Variants in RRP7A observed in about 807,000 individuals in gnomAD.
RRP7A encodes ribosomal RNA processing 7 homolog A.
RRP7A carries 27 observed loss-of-function variants against 38.4 expected under a neutral mutation model. That is an observed-to-expected ratio of 0.70 (90% CI 0.52 to 0.97). The LOEUF (loss-of-function observed/expected upper bound fraction) is 0.97, where lower values mean the gene tolerates loss of function less well. RRP7A is among the 50% of genes least tolerant of loss of function. The pLI, the probability that RRP7A is intolerant of heterozygous loss-of-function variation, is 0.00. For missense variants in RRP7A, 327 were observed against 375.4 expected (o/e 0.87, Z 1.07); for synonymous variants, 124 against 150.3 (o/e 0.83, Z 1.28).
At chr22:42,517,534 T>C (rs1306417607) in intron 2 of RRP7A, among the ~76,000 whole-genome samples, 1 of 152,104 alleles carries the variant, frequency 6.6e-6, no homozygotes, top group Non-Finnish European at 1.5e-5. Flanking sequence ...TTTCTCTTTT[T>C]TTTGAGTCAG....
Position 42,512,903 on chromosome 22 carries a change from TCA to T in RRP7A, c.*5_*6del, listed in dbSNP as rs758169491. The T allele has an allele frequency of 3.1e-6, 5 of 1,612,658 alleles. No individual in the cohort carries two copies. In the Admixed American group the frequency reaches 6.7e-5, roughly 22 times the overall value. ...CACCTCCAGCCATTCACTGCGGCTC[TCA>T]CAGCTCAGTACGGTCGGAATTTGCG... On this transcript the variant is annotated 3_prime_UTR_variant, in exon 7 of 7. Transcript: ENST00000323013.
rs1932425068 is a variant in RRP7A, at chr22:42,510,558, G to C, written c.*2352C>G. 7.1e-6 allele frequency: 4 copies of C among 565,744 alleles called. No individual in the cohort carries two copies. Among genetic ancestry groups the C allele is most frequent in the Admixed American group, 2.9e-5 (1 of 34,244 alleles). The allele number at this position is 565,744 out of a possible 1,614,324, so 35.0% of individuals were successfully genotyped here. ...GTTTCTCCTCAGAGGCCTGAACCCA[G>C]GGCAGGATGGGGGCACCGCTGGGAG... is the stretch of plus-strand genomic sequence containing the variant. On this transcript the variant is annotated 3_prime_UTR_variant, in exon 7 of 7. Coordinates refer to ENST00000323013, the MANE Select transcript of RRP7A (RefSeq NM_015703.5).
rs1932456451 is a variant in RRP7A at position 42,511,367 on chromosome 22, G to A, written c.*1543C>T. Reference sequence around the variant, plus strand: ...AATTTTTATATTTTTAAGAGATGGGGGTTCACCATGTTGGCCAGGCTGGTC... The same window carrying A: ...AATTTTTATATTTTTAAGAGATGGGAGTTCACCATGTTGGCCAGGCTGGTC... On this transcript the variant is annotated 3_prime_UTR_variant, in exon 7 of 7. Coordinates refer to ENST00000323013, the MANE Select transcript of RRP7A (RefSeq NM_015703.5). 1.3e-5 allele frequency: 2 copies of A among 152,350 alleles called. No individual in the cohort carries two copies. The highest frequency in any genetic ancestry group is 4.8e-5 in the African/African-American group (2 of 41,532). 9.4% of individuals were successfully genotyped at this position (152,350 alleles called of 1,614,324 possible). A position where few individuals can be genotyped will look rare whatever the true frequency, so the allele number is the denominator to read the frequency against.
rs552468608 is a variant in RRP7A at position 42,508,863 on chromosome 22, A to C, written c.*4047T>G. On this transcript the variant is annotated 3_prime_UTR_variant, in exon 7 of 7. Coordinates refer to ENST00000323013, the MANE Select transcript of RRP7A (RefSeq NM_015703.5). ...CAGGAGTCTCTGGCCACCAGGGGCT[A>C]AAGAGCCTTCGATGAGGCAGTGATG... 2.6e-5 allele frequency among the ~76,000 whole-genome samples: 4 copies of C among 152,166 alleles called. No individual in the cohort carries two copies. The highest frequency in any genetic ancestry group is 9.7e-5 in the African/African-American group (4 of 41,424).
At chr22:42,516,530 C>T (rs1299327002) in intron 2 of RRP7A, 3 of 361,062 alleles carry the variant, frequency 8.3e-6, no homozygotes, top group East Asian at 1.5e-4. Context: ...CCAGGCTGGT[C>T]TTGAACTCCT....
chr22:42,514,672 G>A lies in RRP7A; in HGVS notation c.558+10C>T, dbSNP rs1920925631. 1 of 1,601,164 alleles carries A rather than the reference G, an allele frequency of 6.2e-7. No homozygotes were observed. The highest frequency in any genetic ancestry group is 1.3e-5 in the African/African-American group (1 of 74,518). ...GATGCGGGGCTCGGCCGACCCCGCG[G>A]GGCCTCTACCTCAGCGATCTTCTGG... On this transcript the variant is annotated intron_variant, in intron 5 of 6. Transcript: ENST00000323013.
rs1198483729 is a variant in RRP7A at position 42,511,057 on chromosome 22, G to C, written c.*1853C>G. ...TTGAGAGACAGGGTCTCATTCTGTT[G>C]CTCAGGCTCAGTCATAGCTCACTGC... On this transcript the variant is annotated 3_prime_UTR_variant, in exon 7 of 7. Transcript: ENST00000323013. 2.6e-5 allele frequency: 4 copies of C among 156,208 alleles called. No homozygotes were observed. The highest frequency in any genetic ancestry group is 7.2e-5 in the African/African-American group (3 of 41,544). The allele number at this position is 156,208 out of a possible 1,614,324, so 9.7% of individuals were successfully genotyped here. A position where few individuals can be genotyped will look rare whatever the true frequency, so the allele number is the denominator to read the frequency against.
intron 6 of RRP7A, among the ~76,000 whole-genome samples, chr22:42,513,696 G>GAC (rs68114688): frequency 2.2e-4 from 31 of 140,476 alleles, no homozygotes; most frequent in Non-Finnish European, 3.1e-4. Context: ...CCACCTGACA[G>GAC]ACACACACAC....
In RRP7A at chr22:42,508,651, G is replaced by C. The variant is rs1414384015; in HGVS notation, c.*4259C>G. On this transcript the variant is annotated 3_prime_UTR_variant, in exon 7 of 7. Coordinates refer to ENST00000323013, the MANE Select transcript of RRP7A (RefSeq NM_015703.5). ...CTGGCAGGGGACAGCGTGAGGTGCA[G>C]CCTATGGACTGGGAAAGGGGTGTGG... Among the ~76,000 whole-genome samples, 1 of 152,214 alleles carries C rather than the reference G, an allele frequency of 6.6e-6. No homozygotes were observed. Among genetic ancestry groups the C allele is most frequent in the African/African-American group, 2.4e-5 (1 of 41,446 alleles).
chr22:42,515,499 A>G (rs1006557489), intron 3 of RRP7A, among the ~76,000 whole-genome samples: 1 of 152,248 alleles, frequency 6.6e-6, no homozygotes, highest in Non-Finnish European at 1.5e-5. Flanking sequence ...CTCCCCAGGA[A>G]GAGGGGATAC....
At chr22:42,514,874 C>G (rs998383610) in intron 4 of RRP7A, 95 bp from the exon 5 acceptor site, 11 of 1,005,566 alleles carry the variant, frequency 1.1e-5, no homozygotes, top group African/African-American at 1.6e-5. Context: ...CCTTTTCCCA[C>G]AGGGCCCGGG....
chr22:42,515,911 C>T, intron 3 of RRP7A, 100 bp downstream of exon 3: 1 of 1,414,048 alleles, frequency 7.1e-7, no homozygotes, highest in Non-Finnish European at 9.6e-7. Context: ...GGGCTCAGGA[C>T]CAGAGAATGC....
Position 42,512,476 on chromosome 22 carries a change from C to G in RRP7A, c.*434G>C. 2 of 572,672 alleles carry G rather than the reference C, an allele frequency of 3.5e-6. No homozygotes were observed. The highest frequency in any genetic ancestry group is 4.3e-5 in the South Asian group (2 of 47,048). 35.5% of individuals were successfully genotyped at this position (572,672 alleles called of 1,614,324 possible). A position where few individuals can be genotyped will look rare whatever the true frequency, so the allele number is the denominator to read the frequency against. On this transcript the variant is annotated 3_prime_UTR_variant, in exon 7 of 7. Coordinates refer to ENST00000323013, the MANE Select transcript of RRP7A (RefSeq NM_015703.5). ...CTCCTGGCTAATAATCTCCAGCCAGCTGGAGGAAGGAAGGGCGGGCTGGGC... is the reference window on the plus strand; with the variant it reads ...CTCCTGGCTAATAATCTCCAGCCAGGTGGAGGAAGGAAGGGCGGGCTGGGC...
At position 42,508,548 on chromosome 22, in the gene RRP7A, C is replaced by G. The variant is rs1353426751; in HGVS notation, c.*4362G>C. The stretch of plus-strand genomic sequence containing the variant: ...CAGGCAGGGCCGCGGAGGAGGCTGG[C>G]TGGGGCCATCACGGAGTGCCCATCC... On this transcript the variant is annotated 3_prime_UTR_variant, in exon 7 of 7. Transcript: ENST00000323013. Among the ~76,000 whole-genome samples the G allele has an allele frequency of 6.6e-6, 1 of 152,136 alleles. No homozygotes were observed. The highest frequency in any genetic ancestry group is 1.5e-5 in the Non-Finnish European group (1 of 68,024).
chr22:42,510,136 T>G lies in RRP7A; in HGVS notation c.*2774A>C, dbSNP rs533437866. The G allele has an allele frequency of 6.6e-6, 1 of 152,366 alleles. No individual in the cohort carries two copies. The highest frequency in any genetic ancestry group is 2.1e-4 in the South Asian group (1 of 4,826). 9.4% of individuals were successfully genotyped at this position (152,366 alleles called of 1,614,324 possible). On this transcript the variant is annotated 3_prime_UTR_variant, in exon 7 of 7. Coordinates refer to ENST00000323013, the MANE Select transcript of RRP7A (RefSeq NM_015703.5). ...CCCACCACCAAGCCCGGCTAATTTT[T>G]GTATTTTTAGTACAGACAGGGTTTC... is the stretch of plus-strand genomic sequence containing the variant.
At chr22:42,514,812 C>T in intron 4 of RRP7A, 33 bp from the exon 5 acceptor site, 4 of 1,539,480 alleles carry the variant, frequency 2.6e-6, no homozygotes, top group Non-Finnish European at 3.5e-6. Context: ...AACGGGGCTT[C>T]CTCAGGCCTG....
In RRP7A at chr22:42,516,095, C is replaced by G; in HGVS notation, c.258G>C (p.Gln86His). 6.2e-7 allele frequency: 1 copy of G among 1,613,862 alleles called. No homozygotes were observed. Among genetic ancestry groups the G allele is most frequent in the Admixed American group, 1.7e-5 (1 of 60,010 alleles). ...SRLLSTCGLV[Q>H]SVELQEKPDL... ...CCGGCTTCTCCTGCAACTCTACAGACTGGACGAGGCCACAGGTGGACAGGA... is the reference window on the plus strand; with the variant it reads ...CCGGCTTCTCCTGCAACTCTACAGAGTGGACGAGGCCACAGGTGGACAGGA... The change falls in exon 3 of 7, where the codon CAG becomes CAC. Residue 86 changes from glutamine to histidine, a missense_variant. Transcript: ENST00000323013.
rs1398386191 is a variant in RRP7A, at chr22:42,510,111, C to CCCGCCA, written c.*2798_*2799insTGGCGG. The CCCGCCA allele has an allele frequency of 6.6e-6, 1 of 152,162 alleles. No individual in the cohort carries two copies. Among genetic ancestry groups the CCCGCCA allele is most frequent in the Non-Finnish European group, 1.5e-5 (1 of 68,182 alleles). 9.4% of individuals were successfully genotyped at this position (152,162 alleles called of 1,614,324 possible). A position where few individuals can be genotyped will look rare whatever the true frequency, so the allele number is the denominator to read the frequency against. On this transcript the variant is annotated 3_prime_UTR_variant, in exon 7 of 7. Transcript: ENST00000323013. ...TCCGGAGTAGCTGGGACTACAGGCA[C>CCCGCCA]CCACCACCAAGCCCGGCTAATTTTT...
At chr22:42,517,342 T>TAAAAAA (rs71184902) in intron 2 of RRP7A, among the ~76,000 whole-genome samples, 5 of 117,532 alleles carry the variant, frequency 4.3e-5, no homozygotes, top group African/African-American at 1.6e-4. Context: ...TTAGTTTTTG[T>TAAAAAA]AAAAAAAAAA....
Sources: allele counts gnomAD v4.1 joint callset (sites outside exome capture counted in the v4.1 genomes callset), GRCh38; gene constraint gnomAD v4.1.1; transcripts MANE v1.5; gene names NCBI Gene and HGNC (gene_info 2026-07-23, HGNC 2026-07-21).